Variants in SPRR2G observed in about 807,000 individuals in gnomAD.
SPRR2G encodes small proline rich protein 2G, also known as small proline-rich protein 2G.
SPRR2G carries 1 observed loss-of-function variant against 0.7 expected under a neutral mutation model. The ratio of observed to expected loss-of-function variants is 1.49; its 90% confidence interval spans 0.53 to 7.06. The LOEUF is 7.06. Among genes scored for constraint, SPRR2G ranks in the 30% most tolerant of loss-of-function variants. SPRR2G has a pLI of 0.14. For synonymous variants in SPRR2G, 38 were observed against 33.9 expected, an observed-to-expected ratio of 1.12 and a Z score of -0.42; for missense variants, 96 against 88.5, an observed-to-expected ratio of 1.09 and a Z score of -0.34.
chr1:153,198,143 G>A, the SPRR2G span, among the ~76,000 whole-genome samples: 1 of 152,118 alleles, frequency 6.6e-6, no homozygotes, highest in Non-Finnish European at 1.5e-5. Flanking sequence ...GAGGAGGAGA[G>A]AGGGAGGACT....
upstream of SPRR2G, chr1:153,151,005 C>T (rs192855975): frequency 6.6e-6 from 1 of 152,376 alleles, no homozygotes; most frequent in Admixed American, 6.5e-5. Flanking sequence ...TGCATGTAAT[C>T]CATGCTGGTA....
the SPRR2G span, among the ~76,000 whole-genome samples, chr1:153,197,664 G>T: frequency 1.3e-5 from 2 of 152,184 alleles, no homozygotes; most frequent in African/African-American, 4.8e-5. Flanking sequence ...CAGAACAGGT[G>T]GGGAGTCAAT....
chr1:153,200,163 C>A, the SPRR2G span, among the ~76,000 whole-genome samples: 3 of 152,104 alleles, frequency 2.0e-5, no homozygotes, highest in Non-Finnish European at 4.4e-5. Flanking sequence ...ACATTGATAT[C>A]AACCCTTCCT....
At chr1:153,162,800 T>G in the SPRR2G span, among the ~76,000 whole-genome samples, 1 of 152,202 alleles carries the variant, frequency 6.6e-6, no homozygotes, top group South Asian at 2.1e-4. Context: ...TTTAATTTTC[T>G]ATGTGTCTTT....
At chr1:153,188,376 G>T in the SPRR2G span, among the ~76,000 whole-genome samples, 1 of 152,200 alleles carries the variant, frequency 6.6e-6, no homozygotes, top group African/African-American at 2.4e-5. Flanking sequence ...GACTGGGGCT[G>T]CTGCCTTTCT....
At chr1:153,190,176 C>T in the SPRR2G span, 3 of 152,404 alleles carry the variant, frequency 2.0e-5, no homozygotes, top group Admixed American at 6.5e-5. Context: ...GCCCTGTCCT[C>T]CCCAGGTGCC....
chr1:153,153,542 G>C (rs574125441), upstream of SPRR2G, among the ~76,000 whole-genome samples: 1 of 152,098 alleles, frequency 6.6e-6, no homozygotes, highest in Non-Finnish European at 1.5e-5. Flanking sequence ...TGAATTACCT[G>C]GTCCCAAAGT....
the SPRR2G span, among the ~76,000 whole-genome samples, chr1:153,177,330 C>T: frequency 6.6e-6 from 1 of 152,078 alleles, no homozygotes; most frequent in Non-Finnish European, 1.5e-5. Flanking sequence ...ACAAGTCTTT[C>T]GTGGACATGT....
upstream of SPRR2G, among the ~76,000 whole-genome samples, chr1:153,154,329 T>C (rs545648971): frequency 2.0e-5 from 3 of 152,202 alleles, no homozygotes; most frequent in Admixed American, 6.5e-5. Flanking sequence ...TTTATAATGT[T>C]CTTATCTGGC....
Position 153,149,802 on chromosome 1 carries a change from A to C in SPRR2G, c.*87T>G. ...GTTAGGGAAGATGCAGCCTCCCACT[A>C]CAGCTGAAGGGAAGATGATGGAGTC... On this transcript the variant is annotated 3_prime_UTR_variant, in exon 2 of 2. Transcript: ENST00000368748. The C allele has an allele frequency of 2.2e-5, 33 of 1,498,812 alleles. No individual in the cohort carries two copies. The highest frequency in any genetic ancestry group is 2.9e-5 in the Non-Finnish European group (31 of 1,082,046). 92.8% of individuals were successfully genotyped at this position (1,498,812 alleles called of 1,614,324 possible). A position where few individuals can be genotyped will look rare whatever the true frequency, so the allele number is the denominator to read the frequency against.
chr1:153,166,270 G>A, the SPRR2G span, among the ~76,000 whole-genome samples: 1 of 152,128 alleles, frequency 6.6e-6, no homozygotes, highest in Non-Finnish European at 1.5e-5. Flanking sequence ...TACCAAGGAG[G>A]GTTCTGCATT....
upstream of SPRR2G, among the ~76,000 whole-genome samples, chr1:153,153,323 C>A (rs749206579): frequency 2.0e-5 from 3 of 152,014 alleles, no homozygotes; most frequent in East Asian, 5.8e-4. Context: ...ACTATGTTAG[C>A]AAACTGGCAC....
chr1:153,197,292 T>A, the SPRR2G span, among the ~76,000 whole-genome samples: 3 of 151,996 alleles, frequency 2.0e-5, no homozygotes, highest in Non-Finnish European at 2.9e-5. Flanking sequence ...CTGGATCAGA[T>A]GGCGGCTGTA....
Position 153,150,155 on chromosome 1 carries a change from G to T in SPRR2G, c.-21-24C>A, listed in dbSNP as rs753691632. Reference sequence around the variant, plus strand: ...ATCTGAAAGATACATACGAAACAGTGCTCATAAGAGAGACAGTCCTGTTGG... The same window carrying T: ...ATCTGAAAGATACATACGAAACAGTTCTCATAAGAGAGACAGTCCTGTTGG... On this transcript the variant is annotated intron_variant, in intron 1 of 1. Coordinates refer to ENST00000368748, the MANE Select transcript of SPRR2G (RefSeq NM_001014291.4). 3.1e-6 allele frequency: 5 copies of T among 1,607,858 alleles called. No homozygotes were observed. In the South Asian group the frequency reaches 5.5e-5, roughly 18 times the overall value.
the SPRR2G span, among the ~76,000 whole-genome samples, chr1:153,202,536 A>C: frequency 6.6e-6 from 1 of 152,120 alleles, no homozygotes; most frequent in Non-Finnish European, 1.5e-5. Context: ...TTCAATTCTT[A>C]ATTTTCTGCA....
chr1:153,176,202 C>T, the SPRR2G span: 1 of 152,170 alleles, frequency 6.6e-6, no homozygotes, highest in South Asian at 2.1e-4. Context: ...TAACTGGGTC[C>T]TAGTATTGGC....
the SPRR2G span, among the ~76,000 whole-genome samples, chr1:153,194,439 G>T: frequency 1.3e-5 from 2 of 152,204 alleles, no homozygotes; most frequent in African/African-American, 4.8e-5. Flanking sequence ...AACTTAGGAA[G>T]TGCTGCTACT....
At chr1:153,160,829 T>G in the SPRR2G span, among the ~76,000 whole-genome samples, 1 of 150,966 alleles carries the variant, frequency 6.6e-6, no homozygotes, top group Non-Finnish European at 1.5e-5. Flanking sequence ...TAGCAAAGGC[T>G]TGGAACCAAC....
At chr1:153,168,056 A>G in the SPRR2G span, among the ~76,000 whole-genome samples, 10,180 of 152,240 alleles carry the variant, frequency 0.067, 555 homozygotes, top group Middle Eastern at 0.16. Context: ...TAGTGTCTCC[A>G]TCAAAGAAGA....
Sources: allele counts gnomAD v4.1 joint callset (sites outside exome capture counted in the v4.1 genomes callset), GRCh38; gene constraint gnomAD v4.1.1; transcripts MANE v1.5; gene names NCBI Gene and HGNC (gene_info 2026-07-23, HGNC 2026-07-21).